CYB5R3: variants seen among roughly 807,000 people sequenced by gnomAD.
The protein encoded by CYB5R3 is NADH-cytochrome b5 reductase 3.
In CYB5R3, 28 loss-of-function variants were observed where a neutral mutation model predicts 36.5. The observed-to-expected ratio is 0.77, with a 90% CI of 0.57 to 1.05. The LOEUF is 1.05. Among genes scored for constraint, CYB5R3 ranks in the 50% least tolerant of loss-of-function variants. CYB5R3 has a pLI of 0.00. For missense variants in CYB5R3, 474 were observed against 408.9 expected (o/e 1.16, Z -1.37); for synonymous variants, 181 against 159.8 (o/e 1.13, Z -1.00).
chr22:42,642,844 A>G (rs1178205575), intron 1 of CYB5R3, among the ~76,000 whole-genome samples: 2 of 152,204 alleles, frequency 1.3e-5, no homozygotes, highest in African/African-American at 4.8e-5. Flanking sequence ...GCTCTCAAGA[A>G]AGCTGTTTCA....
chr22:42,646,774 C>A, intron 1 of CYB5R3: 1 of 986,500 alleles, frequency 1.0e-6, no homozygotes, highest in Non-Finnish European at 1.2e-6. Context: ...TGGCTGGGAA[C>A]TGTGGGGGAA....
chr22:42,638,728 T>TAAAAAAAAAAAACAAAAAAAAA (rs1929049411), intron 1 of CYB5R3, among the ~76,000 whole-genome samples: 1 of 47,488 alleles, frequency 2.1e-5, no homozygotes, highest in Non-Finnish European at 3.6e-5. Flanking sequence ...CAAGACTCCA[T>TAAAAAAAAAAAACAAAAAAAAA]AAAAAAAAAA....
chr22:42,629,170 G>A (rs1928474932), intron 4 of CYB5R3, among the ~76,000 whole-genome samples: 1 of 152,104 alleles, frequency 6.6e-6, no homozygotes, highest in South Asian at 2.1e-4. Flanking sequence ...ACAGATGCTT[G>A]AGCCCTCATC....
chr22:42,624,643 C>T (rs543558949), intron 7 of CYB5R3, among the ~76,000 whole-genome samples: 2 of 147,180 alleles, frequency 1.4e-5, no homozygotes, highest in African/African-American at 4.9e-5. Flanking sequence ...GGCTGCTGCC[C>T]AGCGTTTGCA....
chr22:42,644,536 A>G, intron 1 of CYB5R3: 4 of 1,470,756 alleles, frequency 2.7e-6, no homozygotes, highest in Non-Finnish European at 2.8e-6. Context: ...CAAACATCAA[A>G]TCTTCCCTGA....
intron 4 of CYB5R3, 41 bp from the exon 5 acceptor site, chr22:42,628,322 T>C (rs1480920887): frequency 2.5e-6 from 4 of 1,611,214 alleles, no homozygotes; most frequent in Non-Finnish European, 3.4e-6. Context: ...CAGCTCCAGG[T>C]CTCAGGGGCG....
intron 8 of CYB5R3, among the ~76,000 whole-genome samples, chr22:42,622,860 G>C (rs1928055804): frequency 6.6e-6 from 1 of 152,258 alleles, no homozygotes; most frequent in African/African-American, 2.4e-5. Flanking sequence ...CAGGACATGA[G>C]ACCCCAAACT....
Position 42,623,908 on chromosome 22 carries a change from G to A in CYB5R3, c.634-20C>T. 1 of 1,607,418 alleles carries A rather than the reference G, an allele frequency of 6.2e-7. No individual in the cohort carries two copies. The highest frequency in any genetic ancestry group is 1.1e-5 in the South Asian group (1 of 90,952). ...CTCGGTCTGCAGGGGACAGGGCCAG[G>A]CAGTCAGGAAGGATGGGTGGCAGAC... On this transcript the variant is annotated intron_variant, in intron 7 of 8. Coordinates refer to ENST00000352397, the MANE Select transcript of CYB5R3 (RefSeq NM_000398.7).
chr22:42,637,431 G>A (rs867346598), intron 1 of CYB5R3, among the ~76,000 whole-genome samples: 8 of 152,116 alleles, frequency 5.3e-5, no homozygotes, highest in Non-Finnish European at 1.2e-4. Context: ...GAGCACACTA[G>A]AACAAGCCAG....
chr22:42,633,436 A>G (rs1030792183), intron 2 of CYB5R3: 1 of 152,210 alleles, frequency 6.6e-6, no homozygotes, highest in African/African-American at 2.4e-5. Context: ...TGGAGGTCAT[A>G]CCTTACAGAG....
intron 5 of CYB5R3, among the ~76,000 whole-genome samples, 163 bp from the exon 6 acceptor site, chr22:42,627,851 A>G (rs1313829869): frequency 6.6e-6 from 1 of 152,116 alleles, no homozygotes; most frequent in Non-Finnish European, 1.5e-5. Flanking sequence ...AGCAGTGGAG[A>G]GGCTGGGAAC....
Position 42,619,916 on chromosome 22 carries a change from C to T in CYB5R3, c.763G>A (p.Glu255Lys). The T allele has an allele frequency of 6.2e-7, 1 of 1,606,748 alleles. No homozygotes were observed. Among genetic ancestry groups the T allele is most frequent in the Non-Finnish European group, 8.5e-7 (1 of 1,176,786 alleles). Residue 255 changes from glutamate (E) to lysine (K), a missense_variant, in exon 9 of 9, where the codon GAG becomes AAG. Glu to Lys is a moderately conservative substitution (Grantham distance 56). Coordinates refer to ENST00000352397, the MANE Select transcript of CYB5R3 (RefSeq NM_000398.7). ...AWDYGQGFVN[E>K]EMIRDHLPPP... Reference sequence around the variant, plus strand: ...GGAAGGTGGTCCCGGATCATCTCCTCATTCACGAAGCCCTGGCCGTAGTCC... The same window carrying T: ...GGAAGGTGGTCCCGGATCATCTCCTTATTCACGAAGCCCTGGCCGTAGTCC...
chr22:42,622,311 T>C (rs779018037), intron 8 of CYB5R3, among the ~76,000 whole-genome samples: 13 of 152,100 alleles, frequency 8.5e-5, no homozygotes, highest in Admixed American at 2.0e-4. Flanking sequence ...CTGGCTCTGC[T>C]TGGCCCCCCA....
At chr22:42,645,483 G>A (rs2413707) in intron 1 of CYB5R3, among the ~76,000 whole-genome samples, 45,595 of 152,014 alleles carry the variant, frequency 0.3, 7,468 homozygotes, top group South Asian at 0.42. Context: ...CTGTTTCCAC[G>A]CCTGTTCCAC....
At chr22:42,626,914 G>C (rs1569318392) in intron 7 of CYB5R3, among the ~76,000 whole-genome samples, 1 of 152,198 alleles carries the variant, frequency 6.6e-6, no homozygotes, top group Non-Finnish European at 1.5e-5. Flanking sequence ...CTGACACCCT[G>C]TAGCTCAGGG....
rs1482856261 is a variant in CYB5R3 at position 42,649,367 on chromosome 22, C to T, written c.-52G>A. 4.3e-6 allele frequency: 3 copies of T among 699,340 alleles called. No homozygotes were observed. Among genetic ancestry groups the T allele is most frequent in the Non-Finnish European group, 5.4e-6 (3 of 559,998 alleles). The allele number at this position is 699,340 out of a possible 1,614,324, so 43.3% of individuals were successfully genotyped here. A position where few individuals can be genotyped will look rare whatever the true frequency, so the allele number is the denominator to read the frequency against. On this transcript the variant is annotated 5_prime_UTR_variant, in exon 1 of 9. Coordinates refer to ENST00000352397, the MANE Select transcript of CYB5R3 (RefSeq NM_000398.7). The stretch of plus-strand genomic sequence containing the variant: ...TCGCCGCCGCCGCCGCCGCCGAGAC[C>T]GTCGCGCCCGGGCCCGCGTCACTCC...
Position 42,649,342 on chromosome 22 carries a change from TCGCCGCCGCCGC to T in CYB5R3, c.-39_-28del. 3 of 969,104 alleles carry T rather than the reference TCGCCGCCGCCGC, an allele frequency of 3.1e-6. No individual in the cohort carries two copies. Among genetic ancestry groups the T allele is most frequent in the Non-Finnish European group, 3.8e-6 (3 of 798,764 alleles). 60.0% of individuals were successfully genotyped at this position (969,104 alleles called of 1,614,324 possible). ...GTGGCCCCGCGCCGCGCTCGCTCTG[TCGCCGCCGCCGC>T]CGCCGCCGAGACCGTCGCGCCCGGG... On this transcript the variant is annotated 5_prime_UTR_variant, in exon 1 of 9. Transcript: ENST00000352397.
intron 8 of CYB5R3, among the ~76,000 whole-genome samples, chr22:42,621,795 C>T (rs1927988084): frequency 6.6e-6 from 1 of 152,260 alleles, no homozygotes; most frequent in Non-Finnish European, 1.5e-5. Flanking sequence ...GATCACTCAT[C>T]TGGAATTGGG....
chr22:42,640,131 T>C, intron 1 of CYB5R3: 1 of 1,613,736 alleles, frequency 6.2e-7, no homozygotes, highest in Non-Finnish European at 8.5e-7. Context: ...TCTGAATAGC[T>C]CTAGGGATCT....
Sources: allele counts gnomAD v4.1 joint callset (sites outside exome capture counted in the v4.1 genomes callset), GRCh38; gene constraint gnomAD v4.1.1; transcripts MANE v1.5; gene names NCBI Gene and HGNC (gene_info 2026-07-23, HGNC 2026-07-21).